The following BSN variants were observed in gnomAD, a reference collection of about 807,000 sequenced individuals.
BSN encodes protein bassoon.
In BSN, 57 loss-of-function variants were observed where a neutral mutation model predicts 264.8. The ratio of observed to expected loss-of-function variants is 0.22; its 90% CI spans 0.17 to 0.27. BSN has a LOEUF of 0.27. Among genes scored for constraint, BSN ranks in the 10% least tolerant of loss-of-function variants. BSN has a pLI of 1.00. For missense variants in BSN, 4,615 were observed against 5,232.5 expected (o/e 0.88, Z 3.64); for synonymous variants, 2,059 against 2,137.3 (o/e 0.96, Z 1.01).
intron 1 of BSN, among the ~76,000 whole-genome samples, chr3:49,592,587 A>C (rs987579084): frequency 6.6e-6 from 1 of 150,984 alleles, no homozygotes; most frequent in Non-Finnish European, 1.5e-5. Context: ...CCCCGTCTCT[A>C]CTAAAAACAA....
rs2052674739 is a variant in BSN, at chr3:49,662,964, A to G, written c.10806A>G (p.Ala3602=). The G allele has an allele frequency of 3.1e-6, 5 of 1,614,152 alleles. No homozygotes were observed. Among genetic ancestry groups the G allele is most frequent in the Non-Finnish European group, 4.2e-6 (5 of 1,180,020 alleles). ...SDRFRHHGGH[A]VSSSSQKRGP... The stretch of plus-strand genomic sequence containing the variant: ...GGTTCAGGCACCACGGGGGCCATGC[A>G]GTTTCCTCCTCCTCCCAGAAGCGAG... The change falls in exon 7 of 12, where the codon GCA becomes GCG. Residue 3602 remains alanine, a synonymous_variant. Transcript: ENST00000296452.
chr3:49,653,915 C>T lies in BSN; in HGVS notation c.4359C>T (p.Pro1453=), dbSNP rs1436683939. 6.2e-7 allele frequency: 1 copy of T among 1,614,170 alleles called. No individual in the cohort carries two copies. Among genetic ancestry groups the T allele is most frequent in the Non-Finnish European group, 8.5e-7 (1 of 1,180,012 alleles). The change falls in exon 5 of 12, where the codon CCC becomes CCT. Residue 1453 remains proline, a synonymous_variant. Coordinates refer to ENST00000296452, the MANE Select transcript of BSN (RefSeq NM_003458.4). This position sits in a 1 kb window ranked among gnomAD's most constrained non-coding sequence, Gnocchi z 6.3. ...AAAGRAAREK[P]LSASDGEGGT... is the part of the protein sequence containing the mutation. The stretch of plus-strand genomic sequence containing the variant: ...CTGGACGAGCTGCTAGAGAGAAGCC[C>T]TTGAGTGCGAGTGACGGTGAGGGTG...
chr3:49,603,753 T>C (rs556185388), intron 1 of BSN, among the ~76,000 whole-genome samples: 50 of 152,174 alleles, frequency 3.3e-4, no homozygotes, highest in Non-Finnish European at 6.5e-4. Flanking sequence ...ATTTAATGCA[T>C]TCACAATATT....
In BSN at chr3:49,585,173, A is replaced by G. The variant is rs1185263356; in HGVS notation, c.224+30347A>G. On this transcript the variant is annotated intron_variant, in intron 1 of 11. Coordinates refer to ENST00000296452, the MANE Select transcript of BSN (RefSeq NM_003458.4). This position sits in a 1 kb window ranked among gnomAD's most constrained non-coding sequence, Gnocchi z 4.7. ...GGATACCCAGTGGTGGGATTGATGGATCATATGGTAGCCCAATTTTTAGTT... is the reference window on the plus strand; with the variant it reads ...GGATACCCAGTGGTGGGATTGATGGGTCATATGGTAGCCCAATTTTTAGTT... Among the ~76,000 whole-genome samples, 6 of 150,370 alleles carry G rather than the reference A, an allele frequency of 4.0e-5. No homozygotes were observed. Among genetic ancestry groups the G allele is most frequent in the Non-Finnish European group, 8.9e-5 (6 of 67,722 alleles).
In BSN at chr3:49,652,915, G is replaced by A. The variant is rs771863939; in HGVS notation, c.3359G>A (p.Arg1120His). ...GCGGCCGAGATGGAGGAGCTACACC[G>A]CTCCTCCTGCTCTGAGTACTCACCC... ...RQAAEMEELH[R>H]SSCSEYSPSP... Residue 1120 changes from arginine (R) to histidine (H), a missense_variant, in exon 5 of 12, where the codon CGC becomes CAC. Arg to His is a conservative substitution (Grantham distance 29). This residue lies in a region of BSN where 3,415 missense variants were observed against 3,866.4 expected (regional missense o/e 0.88). Coordinates refer to ENST00000296452, the MANE Select transcript of BSN (RefSeq NM_003458.4). 3.7e-6 allele frequency: 6 copies of A among 1,608,804 alleles called. No individual in the cohort carries two copies. The highest frequency in any genetic ancestry group is 1.1e-5 in the South Asian group (1 of 90,706).
intron 1 of BSN, among the ~76,000 whole-genome samples, chr3:49,582,107 C>T (rs913671027): frequency 3.3e-5 from 5 of 152,194 alleles, no homozygotes; most frequent in African/African-American, 4.8e-5. Flanking sequence ...TACATTTCCA[C>T]CATCATTGTA....
chr3:49,585,834 G>A lies in BSN; in HGVS notation c.224+31008G>A, dbSNP rs944881104. On this transcript the variant is annotated intron_variant, in intron 1 of 11. Coordinates refer to ENST00000296452, the MANE Select transcript of BSN (RefSeq NM_003458.4). The surrounding 1 kb of genome is among the most constrained non-coding windows in gnomAD (Gnocchi z 4.7). ...ATGATACCTCATTTAGTTTTGATTT[G>A]CATTTCTCTGATGATCAATGATGTT... is the stretch of plus-strand genomic sequence containing the variant. 2.6e-5 allele frequency among the ~76,000 whole-genome samples: 4 copies of A among 152,070 alleles called. No individual in the cohort carries two copies. The South Asian group carries it at 8.3e-4, about 32-fold the overall frequency.
chr3:49,564,929 AG>A (rs1382013537), intron 1 of BSN, among the ~76,000 whole-genome samples: 1 of 151,790 alleles, frequency 6.6e-6, no homozygotes, highest in African/African-American at 2.4e-5. Flanking sequence ...TCTGTAGGGT[AG>A]GTATCTCTAG....
In BSN at chr3:49,655,788, G is replaced by A. The variant is rs1309766540; in HGVS notation, c.6232G>A (p.Asp2078Asn). 1.2e-6 allele frequency: 2 copies of A among 1,613,446 alleles called. No individual in the cohort carries two copies. Among genetic ancestry groups the A allele is most frequent in the East Asian group, 2.2e-5 (1 of 44,888 alleles). Residue 2078 changes from aspartate to asparagine, a missense_variant, in exon 5 of 12, where the codon GAT (aspartate) becomes AAT (asparagine). By Grantham distance (23) the Asp-to-Asn change is conservative. Coordinates refer to ENST00000296452, the MANE Select transcript of BSN (RefSeq NM_003458.4). ...YSDHRYGPRG[D>N]AVGFQEASLA... ...AGACCACAGGTACGGCCCACGGGGA[G>A]ATGCAGTTGGCTTCCAGGAGGCCAG...
At chr3:49,666,166 G>GCA (rs1222381012) in intron 11 of BSN, among the ~76,000 whole-genome samples, 2 of 152,248 alleles carry the variant, frequency 1.3e-5, no homozygotes, top group Admixed American at 6.5e-5. Flanking sequence ...CGGTGCACAA[G>GCA]CATGTATGTG....
chr3:49,576,787 G>A (rs1034110609), intron 1 of BSN, among the ~76,000 whole-genome samples: 1 of 152,196 alleles, frequency 6.6e-6, no homozygotes, highest in African/African-American at 2.4e-5. Context: ...ACTCATCTGA[G>A]CAGAAGACTG....
chr3:49,574,908 G>A (rs951682469), intron 1 of BSN, among the ~76,000 whole-genome samples: 2 of 152,026 alleles, frequency 1.3e-5, no homozygotes, highest in African/African-American at 4.8e-5. Context: ...AAAATGCTGG[G>A]ATTACAGGCA....
chr3:49,614,026 C>T (rs1005136813), intron 1 of BSN, among the ~76,000 whole-genome samples: 1 of 150,942 alleles, frequency 6.6e-6, no homozygotes. Flanking sequence ...TTGTCACCGG[C>T]ACCATGGTGC....
chr3:49,621,067 T>C (rs1278532185), intron 1 of BSN, among the ~76,000 whole-genome samples: 1 of 151,858 alleles, frequency 6.6e-6, no homozygotes, highest in Non-Finnish European at 1.5e-5. Flanking sequence ...TGACTTAGGA[T>C]GAGACAGGAA....
chr3:49,597,552 A>T (rs2052034011), intron 1 of BSN, among the ~76,000 whole-genome samples: 1 of 151,752 alleles, frequency 6.6e-6, no homozygotes, highest in Non-Finnish European at 1.5e-5. Flanking sequence ...GCTGTTCTTG[A>T]ACTCCTGGCC....
chr3:49,651,057 C>G lies in BSN; in HGVS notation c.1964C>G (p.Ala655Gly), dbSNP rs754454307. 1.2e-6 allele frequency: 2 copies of G among 1,611,588 alleles called. No homozygotes were observed. Among genetic ancestry groups the G allele is most frequent in the Non-Finnish European group, 1.7e-6 (2 of 1,179,360 alleles). The part of the protein sequence containing the change: ...ATPVVKAVPE[A>G]PKGGEAEDLV... ...CCTGTCGTCAAGGCTGTTCCAGAAG[C>G]CCCCAAGGGTGGGGAGGCGGAGGTC... Residue 655 changes from alanine (A) to glycine (G), a missense_variant, in exon 4 of 12, where the codon GCC (alanine) becomes GGC (glycine). By Grantham distance (60) the Ala-to-Gly change is moderately conservative. Around this residue, in one of 3 missense-constraint regions of BSN, gnomAD observed 1,197 missense variants for 1,348.0 expected, o/e 0.89. Transcript: ENST00000296452. This position sits in a 1 kb window ranked among gnomAD's most constrained non-coding sequence, Gnocchi z 5.4.
Position 49,657,519 on chromosome 3 carries a change from G to C in BSN, c.7963G>C (p.Ala2655Pro), listed in dbSNP as rs966229536. Residue 2655 changes from alanine (A) to proline (P), a missense_variant, in exon 5 of 12, where the codon GCT (alanine) becomes CCT (proline). Around this residue, in one of 3 missense-constraint regions of BSN, gnomAD observed 3,415 missense variants for 3,866.4 expected, o/e 0.88. Coordinates refer to ENST00000296452, the MANE Select transcript of BSN (RefSeq NM_003458.4). ...TGCCACTGCCTCATCATCCAGTGCT[G>C]CTGCCACTGTGAGGGCCATGAGCAG... Reference protein sequence around the residue: ...HDATASSSSAAATVRAMSSVG... With the variant: ...HDATASSSSAPATVRAMSSVG... 6.2e-7 allele frequency: 1 copy of C among 1,613,188 alleles called. No individual in the cohort carries two copies. The highest frequency in any genetic ancestry group is 8.5e-7 in the Non-Finnish European group (1 of 1,180,014).
In BSN at chr3:49,652,779, C is replaced by T. The variant is rs202102265; in HGVS notation, c.3223C>T (p.Arg1075Trp). 5 of 1,550,146 alleles carry T rather than the reference C, an allele frequency of 3.2e-6. No homozygotes were observed. Among genetic ancestry groups the T allele is most frequent in the Middle Eastern group, 1.7e-4 (1 of 5,726 alleles). The change falls in exon 5 of 12, where the codon CGG becomes TGG. Residue 1075 changes from arginine to tryptophan, a missense_variant. Coordinates refer to ENST00000296452, the MANE Select transcript of BSN (RefSeq NM_003458.4). ...CATCCGCAGCACGGCCCGCAAGACC[C>T]GGCGGGACAAGGAAGAACTGCGGGC... Reference protein sequence around the residue: ...QRIRSTARKTRRDKEELRAQR... With the variant: ...QRIRSTARKTWRDKEELRAQR...
In BSN at chr3:49,656,717, A is replaced by C. The variant is rs746627777; in HGVS notation, c.7161A>C (p.Gln2387His). The change falls in exon 5 of 12, where the codon CAA becomes CAC. Residue 2387 changes from glutamine (Q) to histidine (H), a missense_variant. Physicochemically the swap from Gln to His is conservative, Grantham distance 24. This residue lies in a region of BSN where 3,415 missense variants were observed against 3,866.4 expected (regional missense o/e 0.88). Transcript: ENST00000296452. ...RERVELEKLRQLRLQEELERE... is the reference protein window; with the variant it reads ...RERVELEKLRHLRLQEELERE... ...GGGTGGAGTTGGAGAAGCTGCGACA[A>C]CTTCGGCTGCAAGAGGAGCTAGAGC... is the stretch of plus-strand genomic sequence containing the variant. 2.2e-5 allele frequency: 34 copies of C among 1,579,346 alleles called. No homozygotes were observed. Among genetic ancestry groups the C allele is most frequent in the Non-Finnish European group, 9.5e-6 (11 of 1,162,222 alleles).
Sources: allele counts gnomAD v4.1 joint callset (sites outside exome capture counted in the v4.1 genomes callset), GRCh38; gene constraint gnomAD v4.1.1; regional missense constraint gnomAD v4.1.1; non-coding constraint Gnocchi (gnomAD v3.1); transcripts MANE v1.5; gene names NCBI Gene and HGNC (gene_info 2026-07-23, HGNC 2026-07-21).